Variants in UNC13C observed in about 807,000 individuals in gnomAD.
UNC13C encodes the protein protein unc-13 homolog C.
Under a neutral mutation model 245.4 loss-of-function variants are expected in UNC13C, and 174 were observed. That is an observed-to-expected ratio of 0.71 (90% confidence interval 0.63 to 0.80). UNC13C has a LOEUF of 0.80. UNC13C is among the 30% of genes least tolerant of loss of function. The pLI, the probability that UNC13C is intolerant of heterozygous loss-of-function variation, is 0.00. For missense variants in UNC13C, 2,829 were observed against 2,602.9 expected, an observed-to-expected ratio of 1.09 and a Z score of -1.89; for synonymous variants, 992 against 895.1, an observed-to-expected ratio of 1.11 and a Z score of -1.93.
chr15:53,900,327 G>A, the UNC13C span, among the ~76,000 whole-genome samples: 23 of 152,258 alleles, frequency 1.5e-4, no homozygotes, highest in African/African-American at 4.6e-4. Flanking sequence ...GGAGAAGAGG[G>A]CCTGATGTAT....
intron 13 of UNC13C, among the ~76,000 whole-genome samples, chr15:54,318,393 C>A (rs971431938): frequency 1.3e-5 from 2 of 151,824 alleles, no homozygotes; most frequent in African/African-American, 4.8e-5. Context: ...CACTTCTTAC[C>A]TCTTATCTTT....
chr15:54,234,997 C>T (rs746206493), intron 4 of UNC13C, 33 bp from the exon 5 acceptor site: 1 of 1,583,562 alleles, frequency 6.3e-7, no homozygotes, highest in South Asian at 1.1e-5. Flanking sequence ...TCATTTTACC[C>T]ATTGCAATTA....
intron 2 of UNC13C, among the ~76,000 whole-genome samples, chr15:54,056,183 A>G (rs970649469): frequency 3.3e-5 from 5 of 152,168 alleles, no homozygotes; most frequent in Admixed American, 1.3e-4. Flanking sequence ...GGAAGTTTGA[A>G]CCAATGGCAA....
chr15:54,027,101 CCTCAGGCAGAGGAAATAGCATGAGCCA>C (rs1261554842), intron 2 of UNC13C, among the ~76,000 whole-genome samples: 2 of 151,374 alleles, frequency 1.3e-5, no homozygotes, highest in African/African-American at 2.4e-5. Flanking sequence ...GAAAAGATCC[CCTCAGGCAGAGGAAATAGCATGAGCCA>C]CGTTCTATAG....
intron 4 of UNC13C, among the ~76,000 whole-genome samples, chr15:54,147,501 G>A (rs2032317989): frequency 1.3e-5 from 2 of 152,198 alleles, no homozygotes; most frequent in South Asian, 2.1e-4. Context: ...TTACAGGCAT[G>A]AGCCACTGCG....
intron 4 of UNC13C, among the ~76,000 whole-genome samples, chr15:54,178,330 C>A (rs989891816): frequency 4.6e-5 from 7 of 151,996 alleles, no homozygotes; most frequent in Non-Finnish European, 1.5e-5. Context: ...TGCAGAATAG[C>A]CTTAATGAGT....
At chr15:54,113,027 A>T (rs1056695890) in intron 2 of UNC13C, among the ~76,000 whole-genome samples, 14 of 152,162 alleles carry the variant, frequency 9.2e-5, no homozygotes, top group Non-Finnish European at 2.1e-4. Flanking sequence ...GGTTAAATGG[A>T]TATGCAGATG....
chr15:54,143,161 G>A, intron 3 of UNC13C, 121 bp downstream of exon 3: 2 of 955,148 alleles, frequency 2.1e-6, no homozygotes, highest in East Asian at 4.8e-5. Context: ...TGTTATCCCA[G>A]CTTTCCATTA....
At chr15:54,538,527 G>A (rs756724131) in intron 26 of UNC13C, among the ~76,000 whole-genome samples, 8 of 151,894 alleles carry the variant, frequency 5.3e-5, no homozygotes, top group Non-Finnish European at 8.8e-5. Context: ...TTGTTCTACC[G>A]TAAAGACACA....
chr15:53,932,482 A>C, the UNC13C span, among the ~76,000 whole-genome samples: 4 of 152,338 alleles, frequency 2.6e-5, no homozygotes, highest in African/African-American at 9.6e-5. Context: ...AACTGCAGGT[A>C]CTCGGTAAAT....
At chr15:54,272,777 T>C (rs1478039636) in intron 10 of UNC13C, among the ~76,000 whole-genome samples, 1 of 152,224 alleles carries the variant, frequency 6.6e-6, no homozygotes, top group African/African-American at 2.4e-5. Flanking sequence ...ACATTATCAC[T>C]GCTTCTCACT....
intron 19 of UNC13C, among the ~76,000 whole-genome samples, chr15:54,478,421 A>C (rs12917552): frequency 0.15 from 12,029 of 82,138 alleles, 1,141 homozygotes; most frequent in East Asian, 0.28. Flanking sequence ...AATTTTGGAT[A>C]TTTCCTGCTT....
intron 19 of UNC13C, among the ~76,000 whole-genome samples, chr15:54,450,768 G>GCCCACTGTCCTGCC (rs1025118879): frequency 6.6e-6 from 1 of 152,070 alleles, no homozygotes; most frequent in East Asian, 1.9e-4. Context: ...GGTGCACTGC[G>GCCCACTGTCCTGCC]CCCACTGTCC....
chr15:54,259,830 A>G (rs1206929462), intron 8 of UNC13C, among the ~76,000 whole-genome samples: 3 of 152,218 alleles, frequency 2.0e-5, no homozygotes, highest in East Asian at 3.8e-4. Context: ...CTCTGTTTTC[A>G]AAGAATTGCA....
chr15:53,932,330 AACAACAACAAC>A, the UNC13C span, among the ~76,000 whole-genome samples: 1 of 151,608 alleles, frequency 6.6e-6, no homozygotes, highest in African/African-American at 2.4e-5. Flanking sequence ...CAACAACAAC[AACAACAACAAC>A]AAACAGTGCT....
At chr15:54,205,225 ACTC>A (rs386784117) in intron 4 of UNC13C, among the ~76,000 whole-genome samples, 12,357 of 151,224 alleles carry the variant, frequency 0.082, 680 homozygotes, top group African/African-American at 0.15. Context: ...TCAAACATCC[ACTC>A]CTCTCCCATT....
At position 54,432,108 on chromosome 15, in the gene UNC13C, A is replaced by C. The variant is rs188930107; in HGVS notation, c.4933+17041A>C. Among the ~76,000 whole-genome samples the C allele has an allele frequency of 1.6e-3, 244 of 151,758 alleles. 1 individual carries two copies. The highest frequency in any genetic ancestry group is 5.4e-3 in the South Asian group (26 of 4,826). ...AAAAATGTTACTCATTTGACCATTT[A>C]ATAAGCTAATATTTAAATAGCTACT... On this transcript the variant is annotated intron_variant, in intron 19 of 32. Transcript: ENST00000260323.
At chr15:54,240,950 T>G (rs927282279) in intron 7 of UNC13C, among the ~76,000 whole-genome samples, 2 of 152,176 alleles carry the variant, frequency 1.3e-5, no homozygotes, top group African/African-American at 4.8e-5. Context: ...CAGGTGTTGT[T>G]TCAGACTGGA....
chr15:54,221,450 G>A (rs10851559), intron 4 of UNC13C, among the ~76,000 whole-genome samples: 41,157 of 151,576 alleles, frequency 0.27, 8,174 homozygotes, highest in African/African-American at 0.54. Context: ...AAATTATATG[G>A]AGTCTATAAT....
Sources: allele counts gnomAD v4.1 joint callset (sites outside exome capture counted in the v4.1 genomes callset), GRCh38; gene constraint gnomAD v4.1.1; transcripts MANE v1.5; gene names NCBI Gene and HGNC (gene_info 2026-07-23, HGNC 2026-07-21).